ATM: variants seen among roughly 807,000 people sequenced by gnomAD.
The protein encoded by ATM is ATM serine/threonine kinase, also known as serine-protein kinase ATM.
In ATM, 308 loss-of-function variants were observed where a neutral mutation model predicts 387.0. The observed-to-expected ratio is 0.80, with a 90% CI of 0.73 to 0.87. The LOEUF is 0.87. Ranked by LOEUF, ATM falls within the 40% of genes least tolerant of loss-of-function variation. The pLI is 0.00. For synonymous variants in ATM, 1,156 were observed against 1,187.3 expected (o/e 0.97, Z 0.54); for missense variants, 3,312 against 3,560.9 (o/e 0.93, Z 1.78).
chr11:108,335,314 A>G, intron 55 of ATM: 1 of 1,468,560 alleles, frequency 6.8e-7, no homozygotes, highest in South Asian at 1.3e-5. Context: ...TCATTATTAT[A>G]TGGTTGATTC....
At chr11:108,346,829 A>G (rs2088476804) in intron 58 of ATM, among the ~76,000 whole-genome samples, 1 of 152,150 alleles carries the variant, frequency 6.6e-6, no homozygotes, top group Admixed American at 6.5e-5. Flanking sequence ...AAATGAATTA[A>G]TGATTAATTT....
intron 31 of ATM, among the ~76,000 whole-genome samples, chr11:108,293,830 A>G (rs939243456): frequency 2.0e-5 from 3 of 147,502 alleles, no homozygotes; most frequent in African/African-American, 7.5e-5. Flanking sequence ...ATAAGCCAAG[A>G]TTGCTCCACT....
rs563140198 is a variant in ATM at position 108,273,331 on chromosome 11, C to CTTTTT, written c.3284+502_3284+506dup. Among the ~76,000 whole-genome samples the CTTTTT allele has an allele frequency of 6.4e-4, 52 of 80,660 alleles. 5 individuals carry two copies. The highest frequency in any genetic ancestry group is 2.7e-3 in the African/African-American group (47 of 17,520). 52.9% of individuals were successfully genotyped at this position (80,660 alleles called of 152,430 possible). On this transcript the variant is annotated intron_variant, in intron 22 of 62. Transcript: ENST00000675843. The stretch of plus-strand genomic sequence containing the variant: ...GGAATAAACATATATTAATTTCATT[C>CTTTTT]TTTTTTTTTTTTTTTTTTTTTTTTT...
intron 56 of ATM, among the ~76,000 whole-genome samples, chr11:108,336,637 A>T (rs1424044976): frequency 6.6e-6 from 1 of 152,236 alleles, no homozygotes; most frequent in Non-Finnish European, 1.5e-5. Flanking sequence ...AACCTTGAAC[A>T]TACAAATTTC....
intron 49 of ATM, among the ~76,000 whole-genome samples, chr11:108,329,562 C>T (rs1015890301): frequency 6.6e-6 from 1 of 152,030 alleles, no homozygotes; most frequent in Non-Finnish European, 1.5e-5. Flanking sequence ...TACAGGTGCA[C>T]GCCATACCTG....
At chr11:108,248,319 A>T (rs2079955241) in intron 8 of ATM, among the ~76,000 whole-genome samples, 1 of 152,178 alleles carries the variant, frequency 6.6e-6, no homozygotes, top group Non-Finnish European at 1.5e-5. Flanking sequence ...TAAATTTAAA[A>T]ACTTGAATCC....
rs148368017 is a variant in ATM at position 108,280,961 on chromosome 11, T to A, written c.3403-34T>A. On this transcript the variant is annotated intron_variant, in intron 23 of 62. Transcript: ENST00000675843. The stretch of plus-strand genomic sequence containing the variant: ...TAATTGATTGTTAAACATTTACATT[T>A]TACATTACATTTTTTTTTTAATTTC... The A allele has an allele frequency of 0.015, 23,746 of 1,548,778 alleles. 264 individuals carry two copies. Among genetic ancestry groups the A allele is most frequent in the Middle Eastern group, 0.02 (116 of 5,786 alleles).
intron 22 of ATM, among the ~76,000 whole-genome samples, chr11:108,273,542 ATGTTGGCCAGGCTGG>A (rs1420922145): frequency 6.6e-6 from 1 of 151,762 alleles, no homozygotes; most frequent in Non-Finnish European, 1.5e-5. Context: ...GAGTTTCACC[ATGTTGGCCAGGCTGG>A]TCTTGAACTC....
rs140298323 is a variant in ATM at position 108,260,863 on chromosome 11, C to A, written c.2466+1788C>A. Among the ~76,000 whole-genome samples the A allele has an allele frequency of 1.4e-4, 22 of 152,278 alleles. No individual in the cohort carries two copies. In the East Asian group the frequency reaches 4.3e-3, roughly 30 times the overall value. ...GGGTCAGGGAGTTCCCTTTCTGAGT[C>A]AAAGAAAGGGGGGACGGACGGCACC... On this transcript the variant is annotated intron_variant, in intron 16 of 62. Coordinates refer to ENST00000675843, the MANE Select transcript of ATM (RefSeq NM_000051.4).
rs1415683734 is a variant in ATM at position 108,365,741 on chromosome 11, C to T, written c.*233C>T. ...AAATAATGGTCATTCGGGCTGGGCGCAGCGGCTCACGCCTGTAATCCCAGC... is the reference window on the plus strand; with the variant it reads ...AAATAATGGTCATTCGGGCTGGGCGTAGCGGCTCACGCCTGTAATCCCAGC... On this transcript the variant is annotated 3_prime_UTR_variant, in exon 63 of 63. Transcript: ENST00000675843. 5.3e-6 allele frequency: 3 copies of T among 568,092 alleles called. No homozygotes were observed. In the African/African-American group the frequency reaches 5.6e-5, roughly 11 times the overall value. The allele number at this position is 568,092 out of a possible 1,614,324, so 35.2% of individuals were successfully genotyped here. A position where few individuals can be genotyped will look rare whatever the true frequency, so the allele number is the denominator to read the frequency against.
chr11:108,357,152 GTTCCCT>G (rs1053554542), intron 61 of ATM, among the ~76,000 whole-genome samples: 6 of 152,236 alleles, frequency 3.9e-5, no homozygotes, highest in African/African-American at 1.4e-4. Context: ...GGGTCAGGGA[GTTCCCT>G]TTCCTAGTCA....
intron 5 of ATM, 58 bp from the exon 6 acceptor site, chr11:108,243,895 A>G (rs2079689866): frequency 2.1e-6 from 3 of 1,423,016 alleles, no homozygotes; most frequent in African/African-American, 1.4e-5. Context: ...AAATTGTAAC[A>G]TTTAATACAT....
At chr11:108,306,743 C>T (rs2083716940) in intron 37 of ATM, among the ~76,000 whole-genome samples, 2 of 152,146 alleles carry the variant, frequency 1.3e-5, no homozygotes, top group African/African-American at 4.8e-5. Context: ...GCCTCATTGC[C>T]TTCACTAAAC....
chr11:108,278,863 G>T (rs997472348), intron 22 of ATM, among the ~76,000 whole-genome samples: 5 of 152,098 alleles, frequency 3.3e-5, no homozygotes, highest in Admixed American at 6.5e-5. Context: ...ATTTGGAGGG[G>T]TTAAACATTC....
At chr11:108,300,325 A>G (rs935948825) in intron 34 of ATM, among the ~76,000 whole-genome samples, 5 of 152,238 alleles carry the variant, frequency 3.3e-5, no homozygotes, top group Non-Finnish European at 5.9e-5. Flanking sequence ...TAAGCTAATC[A>G]GACAGGGTCT....
At chr11:108,225,986 T>A (rs1472696968) in intron 1 of ATM, 5 of 152,088 alleles carry the variant, frequency 3.3e-5, no homozygotes, top group African/African-American at 1.2e-4. Context: ...TTCCCTACCT[T>A]TTTACTTCTT....
intron 34 of ATM, among the ~76,000 whole-genome samples, chr11:108,300,317 A>T (rs2083359928): frequency 6.6e-6 from 1 of 152,206 alleles, no homozygotes; most frequent in South Asian, 2.1e-4. Flanking sequence ...AGAAGTCTTA[A>T]GCTAATCAGA....
Position 108,331,914 on chromosome 11 carries a change from C to A in ATM, c.7665C>A (p.His2555Gln), listed in dbSNP as rs908781160. Residue 2555 changes from histidine (H) to glutamine (Q), a missense_variant, in exon 52 of 63, where the codon CAC becomes CAA. His to Gln is a conservative substitution (Grantham distance 24). Transcript: ENST00000675843. ...ISRISMDHPH[H>Q]TLFIILALAN... Reference sequence around the variant, plus strand: ...GAATTTCAATGGATCACCCCCATCACACTTTGTTTATTATACTGGCCTTAG... The same window carrying A: ...GAATTTCAATGGATCACCCCCATCAAACTTTGTTTATTATACTGGCCTTAG... 3 of 1,613,984 alleles carry A rather than the reference C, an allele frequency of 1.9e-6. No homozygotes were observed. Among genetic ancestry groups the A allele is most frequent in the Non-Finnish European group, 2.5e-6 (3 of 1,179,888 alleles).
chr11:108,328,396 G>T (rs2085905640), intron 48 of ATM, among the ~76,000 whole-genome samples: 1 of 152,098 alleles, frequency 6.6e-6, no homozygotes, highest in Non-Finnish European at 1.5e-5. Flanking sequence ...ACAGGAGTGT[G>T]CCACCACACC....
Sources: gnomAD v4.1 joint callset for allele counts (sites outside exome capture counted in the v4.1 genomes callset) on GRCh38, gnomAD v4.1.1 for gene constraint, MANE v1.5 for transcripts, NCBI Gene and HGNC (gene_info 2026-07-23, HGNC 2026-07-21) for gene names.